The following RPAP3 variants were observed in gnomAD, a reference collection of about 807,000 sequenced individuals.
RPAP3 encodes the protein RNA polymerase II-associated protein 3.
Under a neutral mutation model 88.8 loss-of-function variants are expected in RPAP3, and 58 were observed. The ratio of observed to expected loss-of-function variants is 0.65; its 90% CI spans 0.53 to 0.81. The LOEUF (loss-of-function observed/expected upper bound fraction) is 0.81, where lower values mean the gene tolerates loss of function less well. Ranked by LOEUF, RPAP3 falls within the 40% of genes least tolerant of loss-of-function variation. RPAP3 has a pLI of 0.00. For missense variants in RPAP3, 751 were observed against 764.3 expected (o/e 0.98, Z 0.20); for synonymous variants, 255 against 259.9 (o/e 0.98, Z 0.18).
At chr12:47,673,671 C>T (rs1939047062) in intron 12 of RPAP3, among the ~76,000 whole-genome samples, 1 of 151,958 alleles carries the variant, frequency 6.6e-6, no homozygotes, top group Non-Finnish European at 1.5e-5. Flanking sequence ...CTATGCATAA[C>T]AGTTTAAGAG....
intron 3 of RPAP3, 41 bp from the exon 4 acceptor site, chr12:47,697,760 AT>A: frequency 6.5e-7 from 1 of 1,543,616 alleles, no homozygotes; most frequent in African/African-American, 1.4e-5. Context: ...TAATTATATG[AT>A]TAGGAAAAAA....
intron 3 of RPAP3, among the ~76,000 whole-genome samples, chr12:47,698,160 A>G (rs1939574586): frequency 6.6e-6 from 1 of 152,240 alleles, no homozygotes; most frequent in African/African-American, 2.4e-5. Flanking sequence ...CAAAAAAAAG[A>G]GCACATTAAC....
intron 1 of RPAP3, among the ~76,000 whole-genome samples, chr12:47,703,557 G>A (rs1464956890): frequency 6.6e-6 from 1 of 152,188 alleles, no homozygotes; most frequent in Non-Finnish European, 1.5e-5. Flanking sequence ...AGATGCTATG[G>A]AACTGACTGC....
rs1382745429 is a variant in RPAP3, at chr12:47,662,926, T to C, written c.*579A>G. Reference sequence around the variant, plus strand: ...ATGGATATCTTAAGGGAAAAAACCCTATGGCATTAAAATGTAAGAATACTG... The same window carrying C: ...ATGGATATCTTAAGGGAAAAAACCCCATGGCATTAAAATGTAAGAATACTG... On this transcript the variant is annotated 3_prime_UTR_variant, in exon 17 of 17. Coordinates refer to ENST00000005386, the MANE Select transcript of RPAP3 (RefSeq NM_024604.3). 5 of 152,404 alleles carry C rather than the reference T, an allele frequency of 3.3e-5. No homozygotes were observed. The highest frequency in any genetic ancestry group is 7.3e-5 in the Non-Finnish European group (5 of 68,058). The allele number at this position is 152,404 out of a possible 1,614,324, so 9.4% of individuals were successfully genotyped here.
intron 12 of RPAP3, among the ~76,000 whole-genome samples, chr12:47,678,021 A>T (rs1002744439): frequency 6.6e-6 from 1 of 152,198 alleles, no homozygotes; most frequent in Non-Finnish European, 1.5e-5. Flanking sequence ...ACAATAACCG[A>T]AACAGCATGG....
At chr12:47,705,737 G>A (rs1939780131) in intron 1 of RPAP3, among the ~76,000 whole-genome samples, 1 of 152,130 alleles carries the variant, frequency 6.6e-6, no homozygotes, top group Non-Finnish European at 1.5e-5. Flanking sequence ...AGCAGAGCGC[G>A]CAGGCCCGGG....
rs149788328 is a variant in RPAP3 at position 47,673,941 on chromosome 12, TTTAATA to T, written c.1288-3602_1288-3597del. Among the ~76,000 whole-genome samples the T allele has an allele frequency of 4.0e-3, 613 of 152,216 alleles. 14 individuals are homozygous for T. In the East Asian group the frequency reaches 0.057, roughly 14 times the overall value. ...AAAATGTAAAACTGCTTGAAATTCC[TTTAATA>T]TAAGAGAAATAGGCAGAAATATTTA... On this transcript the variant is annotated intron_variant, in intron 12 of 16. Transcript: ENST00000005386.
chr12:47,666,854 A>G (rs926106245), intron 16 of RPAP3, 126 bp downstream of exon 16: 4 of 284,628 alleles, frequency 1.4e-5, no homozygotes, highest in African/African-American at 8.9e-5. Flanking sequence ...CATCCAATTT[A>G]AATATAAATA....
chr12:47,678,576 A>C (rs1467635210), intron 12 of RPAP3, among the ~76,000 whole-genome samples: 4 of 152,196 alleles, frequency 2.6e-5, no homozygotes, highest in Non-Finnish European at 4.4e-5. Flanking sequence ...ACCCCATCAA[A>C]AAGTGGGCAA....
intron 12 of RPAP3, among the ~76,000 whole-genome samples, chr12:47,675,947 T>C (rs1939105368): frequency 6.6e-6 from 1 of 152,196 alleles, no homozygotes; most frequent in Non-Finnish European, 1.5e-5. Context: ...TATACATTCT[T>C]CTCAGCACCA....
At chr12:47,689,009 G>A (rs1271436928) in intron 7 of RPAP3, 116 bp downstream of exon 7, 2 of 597,500 alleles carry the variant, frequency 3.3e-6, no homozygotes, top group South Asian at 1.9e-5. Flanking sequence ...ATAGTACAAA[G>A]AATTAAAATT....
intron 5 of RPAP3, among the ~76,000 whole-genome samples, chr12:47,693,466 G>C (rs1478151292): frequency 6.6e-6 from 1 of 152,236 alleles, no homozygotes; most frequent in African/African-American, 2.4e-5. Context: ...AACACATGCT[G>C]TTGGACAAAT....
intron 5 of RPAP3, among the ~76,000 whole-genome samples, chr12:47,695,289 A>G (rs1443218944): frequency 6.6e-6 from 1 of 152,208 alleles, no homozygotes; most frequent in Admixed American, 6.5e-5. Flanking sequence ...ATGAATCATA[A>G]AAATATAATA....
At position 47,663,582 on chromosome 12, in the gene RPAP3, C is replaced by T. The variant is rs779468601; in HGVS notation, c.1921G>A (p.Ala641Thr). 2 of 1,542,320 alleles carry T rather than the reference C, an allele frequency of 1.3e-6. No individual in the cohort carries two copies. The highest frequency in any genetic ancestry group is 1.8e-6 in the Non-Finnish European group (2 of 1,142,246). Residue 641 changes from alanine to threonine, a missense_variant, in exon 17 of 17, where the codon GCA becomes ACA. Transcript: ENST00000005386. ...GACTTGTCTATGTGATTAAATAATG[C>T]ACGTGCAACTGAAAAAGAAAAAGAA... is the stretch of plus-strand genomic sequence containing the variant. ...MSETEKKIAR[A>T]LFNHIDKSGL... is the part of the protein sequence containing the mutation.
chr12:47,701,625 A>T (rs1347706519), intron 2 of RPAP3, 21 bp from the exon 3 acceptor site: 2 of 1,555,236 alleles, frequency 1.3e-6, no homozygotes, highest in Non-Finnish European at 1.7e-6. Flanking sequence ...AAAAAAAAAC[A>T]CAAAGTTGTG....
At chr12:47,697,870 T>C in intron 3 of RPAP3, 151 bp from the exon 4 acceptor site, 1 of 709,788 alleles carries the variant, frequency 1.4e-6, no homozygotes, top group Non-Finnish European at 2.2e-6. Context: ...TCTCTCATTG[T>C]TAAGATTATA....
At chr12:47,699,354 A>G (rs949636439) in intron 3 of RPAP3, 1 of 152,226 alleles carries the variant, frequency 6.6e-6, no homozygotes, top group Admixed American at 6.5e-5. Flanking sequence ...GGAACAGGCT[A>G]TATAACAAAA....
rs982628832 is a variant in RPAP3 at position 47,662,940 on chromosome 12, G to T, written c.*565C>A. On this transcript the variant is annotated 3_prime_UTR_variant, in exon 17 of 17. Transcript: ENST00000005386. ...GGAAAAAACCCTATGGCATTAAAAT[G>T]TAAGAATACTGTGATACTTCAATTA... 6 of 152,268 alleles carry T rather than the reference G, an allele frequency of 3.9e-5. No individual in the cohort carries two copies. The highest frequency in any genetic ancestry group is 1.2e-4 in the African/African-American group (5 of 41,452). The allele number at this position is 152,268 out of a possible 1,614,324, so 9.4% of individuals were successfully genotyped here.
At position 47,704,562 on chromosome 12, in the gene RPAP3, G is replaced by C. The variant is rs564335074; in HGVS notation, c.-7+1390C>G. Among the ~76,000 whole-genome samples the C allele has an allele frequency of 1.2e-3, 177 of 150,316 alleles. 1 individual carries two copies. Among genetic ancestry groups the C allele is most frequent in the Non-Finnish European group, 3.0e-4 (20 of 67,508 alleles). ...TTTTGTATTTTTTTTTTTTTTAGTA[G>C]AGACGGGGTTTCACCACGTTGGCCA... On this transcript the variant is annotated intron_variant, in intron 1 of 16. Transcript: ENST00000005386.
Sources: allele counts gnomAD v4.1 joint callset (sites outside exome capture counted in the v4.1 genomes callset), GRCh38; gene constraint gnomAD v4.1.1; transcripts MANE v1.5; gene names NCBI Gene and HGNC (gene_info 2026-07-23, HGNC 2026-07-21).